Variants in NLRP5 observed in about 807,000 individuals in gnomAD.
The protein encoded by NLRP5 is NACHT, LRR and PYD domains-containing protein 5.
NLRP5 carries 93 observed loss-of-function variants against 113.1 expected under a neutral mutation model. The ratio of observed to expected loss-of-function variants is 0.82; its 90% CI spans 0.70 to 0.98. The LOEUF (loss-of-function observed/expected upper bound fraction) is 0.98. Ranked by LOEUF, NLRP5 falls within the 50% of genes least tolerant of loss-of-function variation. The probability of loss-of-function intolerance (pLI) is 0.00; values close to 1 mark genes in which losing one functional copy is unlikely to be tolerated. For synonymous variants in NLRP5, 751 were observed against 600.7 expected (o/e 1.25, Z -3.66); for missense variants, 1,808 against 1,514.3 (o/e 1.19, Z -3.22).
At chr19:55,998,706 G>GTA (rs1388437988), upstream of NLRP5, among the ~76,000 whole-genome samples, 1 of 31,322 alleles carries the variant, frequency 3.2e-5, no homozygotes, top group Admixed American at 4.1e-4. Context: ...ATATATATGT[G>GTA]TGTGTGTGTA....
Position 56,027,163 on chromosome 19 carries a change from G to T in NLRP5, c.930G>T (p.Gln310His). 1.2e-6 allele frequency: 2 copies of T among 1,605,238 alleles called. No homozygotes were observed. Among genetic ancestry groups the T allele is most frequent in the Middle Eastern group, 1.7e-4 (1 of 6,054 alleles). ...GCTGGGCGCAAGGTGGACTCTACCA[G>T]GGAATGTTCTCCTACGTCTTCTTCC... is the stretch of plus-strand genomic sequence containing the variant. The change falls in exon 7 of 15, where the codon CAG (glutamine) becomes CAT (histidine). Residue 310 changes from glutamine to histidine, a missense_variant. Coordinates refer to ENST00000390649, the MANE Select transcript of NLRP5 (RefSeq NM_153447.4).
chr19:56,028,093 G>A lies in NLRP5; in HGVS notation c.1860G>A (p.Glu620=), dbSNP rs1296849355. 8.7e-6 allele frequency: 14 copies of A among 1,614,036 alleles called. No homozygotes were observed. The highest frequency in any genetic ancestry group is 1.2e-5 in the Non-Finnish European group (14 of 1,179,902). ...TTGAGAAGACAAAGAGGTCCATGGA[G>A]CTTAAACAGGCAGGCTTCCATATCC... Residue 620 remains glutamate, a synonymous_variant, in exon 7 of 15, where the codon GAG becomes GAA. Transcript: ENST00000390649.
chr19:56,039,194 A>G (rs1158694987), intron 10 of NLRP5, among the ~76,000 whole-genome samples: 1 of 152,186 alleles, frequency 6.6e-6, no homozygotes, highest in Non-Finnish European at 1.5e-5. Flanking sequence ...ACTTGTCCAC[A>G]GTTGGACGGT....
chr19:56,018,376 A>T (rs1214622794), intron 4 of NLRP5, among the ~76,000 whole-genome samples: 1 of 152,230 alleles, frequency 6.6e-6, no homozygotes, highest in Non-Finnish European at 1.5e-5. Context: ...CCTGATAAAT[A>T]TATATAGTGG....
At chr19:55,989,731 A>AT in the NLRP5 span, among the ~76,000 whole-genome samples, 1 of 152,140 alleles carries the variant, frequency 6.6e-6, no homozygotes, top group South Asian at 2.1e-4. Flanking sequence ...ATTGTTGTGC[A>AT]TTTTTAAGGA....
At chr19:56,039,842 A>T (rs1983453670) in intron 10 of NLRP5, among the ~76,000 whole-genome samples, 1 of 152,134 alleles carries the variant, frequency 6.6e-6, no homozygotes, top group South Asian at 2.1e-4. Context: ...TAAACCCGGG[A>T]GGCGTAGGTT....
At chr19:55,989,821 C>T in the NLRP5 span, among the ~76,000 whole-genome samples, 3 of 152,090 alleles carry the variant, frequency 2.0e-5, no homozygotes, top group Non-Finnish European at 4.4e-5. Context: ...CTGTTTTACA[C>T]ACGGCTGGGT....
At chr19:56,002,120 G>A (rs1034316651) in intron 1 of NLRP5, among the ~76,000 whole-genome samples, 1 of 152,188 alleles carries the variant, frequency 6.6e-6, no homozygotes, top group African/African-American at 2.4e-5. Context: ...CCTATAAAAT[G>A]AGTTAGCAGG....
upstream of NLRP5, among the ~76,000 whole-genome samples, chr19:55,999,435 C>T (rs755473263): frequency 1.3e-5 from 2 of 151,908 alleles, no homozygotes; most frequent in African/African-American, 2.4e-5. Context: ...AGGCTGGTCT[C>T]GACCCCCTGA....
At chr19:55,995,452 A>C (rs996785832), upstream of NLRP5, among the ~76,000 whole-genome samples, 16 of 152,282 alleles carry the variant, frequency 1.1e-4, no homozygotes, top group South Asian at 6.2e-4. Context: ...TGAATTATCT[A>C]TTCTGTTGGT....
intron 9 of NLRP5, among the ~76,000 whole-genome samples, chr19:56,037,693 CAAAA>C (rs11301032): frequency 8.0e-5 from 7 of 87,698 alleles, no homozygotes; most frequent in Admixed American, 1.2e-4. Context: ...GACCCTGTCT[CAAAA>C]AAAAAAAAAA....
intron 14 of NLRP5, 61 bp downstream of exon 14, chr19:56,058,471 T>A: frequency 6.8e-7 from 1 of 1,471,090 alleles, no homozygotes; most frequent in Non-Finnish European, 9.2e-7. Flanking sequence ...GCTTGTTAGC[T>A]GGTGGAGAAG....
At chr19:56,010,939 C>T (rs1162772232) in intron 3 of NLRP5, among the ~76,000 whole-genome samples, 1 of 151,610 alleles carries the variant, frequency 6.6e-6, no homozygotes, top group Non-Finnish European at 1.5e-5. Context: ...ATTGCTCGAA[C>T]CCAGGAGTTC....
Position 56,032,776 on chromosome 19 carries a change from C to T in NLRP5, c.2442C>T (p.Thr814=). 1 of 1,607,068 alleles carries T rather than the reference C, an allele frequency of 6.2e-7. No homozygotes were observed. Among genetic ancestry groups the T allele is most frequent in the Non-Finnish European group, 8.5e-7 (1 of 1,176,970 alleles). The change falls in exon 8 of 15, where the codon ACC becomes ACT. Residue 814 remains threonine (T), a synonymous_variant. Coordinates refer to ENST00000390649, the MANE Select transcript of NLRP5 (RefSeq NM_153447.4). ...GGCATCCCACCTGCAAGATACAGACCCTGATGTAAGGCTGCCCGCCCCCTA... is the reference window on the plus strand; with the variant it reads ...GGCATCCCACCTGCAAGATACAGACTCTGATGTAAGGCTGCCCGCCCCCTA...
upstream of NLRP5, among the ~76,000 whole-genome samples, chr19:55,996,474 T>A (rs1981328702): frequency 6.6e-6 from 1 of 152,130 alleles, no homozygotes; most frequent in Non-Finnish European, 1.5e-5. Flanking sequence ...TTACATTAGG[T>A]ATATCTCCTA....
At chr19:56,020,333 C>T (rs764598675) in intron 5 of NLRP5, 42 bp from the exon 6 acceptor site, 185 of 1,610,284 alleles carry the variant, frequency 1.1e-4, no homozygotes, top group Admixed American at 2.2e-4. Flanking sequence ...ATCTCTGACT[C>T]GAATAATAAA....
chr19:55,991,144 A>G, the NLRP5 span, among the ~76,000 whole-genome samples: 1 of 152,180 alleles, frequency 6.6e-6, no homozygotes, highest in Non-Finnish European at 1.5e-5. Flanking sequence ...AGGGTACTGT[A>G]TTGAATTAAT....
chr19:55,998,730 G>GTGTATATATATATATATA (rs1981473359), upstream of NLRP5, among the ~76,000 whole-genome samples: 4 of 116,154 alleles, frequency 3.4e-5, no homozygotes, highest in South Asian at 5.5e-4. Context: ...ATATATATAT[G>GTGTATATATATATATATA]TGTATATATA....
chr19:55,999,362 G>C (rs553640620), upstream of NLRP5, among the ~76,000 whole-genome samples: 7 of 151,560 alleles, frequency 4.6e-5, no homozygotes, highest in Non-Finnish European at 2.9e-5. Flanking sequence ...TTACAGGTGC[G>C]CGCCACCATG....
Sources: gnomAD v4.1 joint callset for allele counts (sites outside exome capture counted in the v4.1 genomes callset) on GRCh38, gnomAD v4.1.1 for gene constraint, MANE v1.5 for transcripts, NCBI Gene and HGNC (gene_info 2026-07-23, HGNC 2026-07-21) for gene names.